SMYD3: variants seen among roughly 807,000 people sequenced by gnomAD.
SMYD3 encodes the protein histone-lysine N-methyltransferase SMYD3.
SMYD3 carries 36 observed loss-of-function variants against 57.7 expected under a neutral mutation model. The observed-to-expected ratio is 0.62, with a 90% confidence interval of 0.48 to 0.82. SMYD3 has a LOEUF of 0.82. Among genes scored for constraint, SMYD3 ranks in the 40% least tolerant of loss-of-function variants. The probability of loss-of-function intolerance (pLI) is 0.00; values close to 1 mark genes in which losing one functional copy is unlikely to be tolerated. For synonymous variants in SMYD3, 211 were observed against 195.0 expected, an observed-to-expected ratio of 1.08 and a Z score of -0.68; for missense variants, 515 against 538.8, an observed-to-expected ratio of 0.96 and a Z score of 0.44.
At chr1:246,326,595 CA>C (rs66737807) in intron 5 of SMYD3, among the ~76,000 whole-genome samples, 7 of 96,078 alleles carry the variant, frequency 7.3e-5, no homozygotes, top group South Asian at 3.7e-4. Context: ...TCTACAAAAA[CA>C]AAAAAAAAAA....
intron 5 of SMYD3, among the ~76,000 whole-genome samples, chr1:246,045,285 G>T (rs1478657037): frequency 2.0e-5 from 3 of 152,080 alleles, no homozygotes; most frequent in African/African-American, 4.8e-5. Flanking sequence ...AAAACAGAGA[G>T]ATAGACCAAT....
chr1:246,401,217 C>T (rs2066762371), intron 1 of SMYD3, among the ~76,000 whole-genome samples: 1 of 152,140 alleles, frequency 6.6e-6, no homozygotes, highest in Non-Finnish European at 1.5e-5. Context: ...AAATAAGGCC[C>T]AGGCATGGTG....
intron 5 of SMYD3, among the ~76,000 whole-genome samples, chr1:245,992,624 T>TCTACAA (rs2058833470): frequency 6.3e-5 from 1 of 15,864 alleles, no homozygotes; most frequent in Non-Finnish European, 2.2e-4. Context: ...GATCGCCCAC[T>TCTACAA]TCTAGAATGG....
At chr1:246,127,440 G>A (rs1002117829) in intron 5 of SMYD3, among the ~76,000 whole-genome samples, 2 of 152,176 alleles carry the variant, frequency 1.3e-5, no homozygotes, top group Admixed American at 6.5e-5. Flanking sequence ...ACAAAAGATA[G>A]TTGAGAAATC....
chr1:246,136,567 G>A (rs1325120774), intron 5 of SMYD3, among the ~76,000 whole-genome samples: 2 of 152,194 alleles, frequency 1.3e-5, no homozygotes, highest in Non-Finnish European at 2.9e-5. Flanking sequence ...GAGGAAGAAG[G>A]TGGGAAAAAG....
At position 246,088,013 on chromosome 1, in the gene SMYD3, C is replaced by T. The variant is rs536745041; in HGVS notation, c.532-158076G>A. ...TCTCACTAATAAGGAAAAAAAAGAG[C>T]AATCACTTGTTTAGAATAAATGAGA... On this transcript the variant is annotated intron_variant, in intron 5 of 11. Transcript: ENST00000490107. Among the ~76,000 whole-genome samples the T allele has an allele frequency of 2.0e-5, 3 of 152,192 alleles. No homozygotes were observed. In the South Asian group the frequency reaches 6.2e-4, roughly 32 times the overall value.
At chr1:246,133,614 C>A (rs1414834395) in intron 5 of SMYD3, among the ~76,000 whole-genome samples, 2 of 152,080 alleles carry the variant, frequency 1.3e-5, no homozygotes, top group East Asian at 3.9e-4. Flanking sequence ...TATATGTCAT[C>A]ACGATTGGCT....
intron 1 of SMYD3, among the ~76,000 whole-genome samples, chr1:246,363,130 G>A (rs2066029067): frequency 1.3e-5 from 2 of 151,480 alleles, no homozygotes; most frequent in Non-Finnish European, 2.9e-5. Flanking sequence ...GAGAAGTGAG[G>A]AGCCCCTCCG....
intron 11 of SMYD3, 54 bp from the exon 12 acceptor site, chr1:245,749,718 C>T: frequency 1.4e-6 from 2 of 1,401,538 alleles, no homozygotes; most frequent in Non-Finnish European, 1.0e-6. Context: ...GAGCTCAGGC[C>T]ATTCCCCACC....
chr1:246,175,660 T>A (rs2062420532), intron 5 of SMYD3, among the ~76,000 whole-genome samples: 2 of 152,190 alleles, frequency 1.3e-5, no homozygotes, highest in Non-Finnish European at 2.9e-5. Flanking sequence ...TATCTTCTAA[T>A]CTGTTAGGAT....
intron 10 of SMYD3, among the ~76,000 whole-genome samples, chr1:245,785,330 AAAGT>A (rs1196918928): frequency 6.6e-6 from 1 of 152,138 alleles, no homozygotes; most frequent in Non-Finnish European, 1.5e-5. Flanking sequence ...ATCCTCCACT[AAAGT>A]AATTTCCACT....
intron 1 of SMYD3, among the ~76,000 whole-genome samples, chr1:246,376,589 TAAA>T (rs55996523): frequency 7.0e-5 from 6 of 85,174 alleles, no homozygotes; most frequent in South Asian, 4.8e-4. Context: ...ACACTCCATC[TAAA>T]AAAAAAAAAA....
intron 5 of SMYD3, among the ~76,000 whole-genome samples, chr1:246,113,168 T>G (rs1214887234): frequency 6.6e-6 from 1 of 150,532 alleles, no homozygotes; most frequent in African/African-American, 2.4e-5. Context: ...GGCAACAGAG[T>G]AAGACTCTGT....
chr1:246,340,548 A>C (rs1478917558), intron 2 of SMYD3, among the ~76,000 whole-genome samples: 2 of 152,154 alleles, frequency 1.3e-5, no homozygotes, highest in Admixed American at 1.3e-4. Flanking sequence ...TTTGGCAAAA[A>C]TGAATAAAAC....
chr1:245,904,000 GC>G (rs2054376868), intron 8 of SMYD3, among the ~76,000 whole-genome samples: 1 of 152,186 alleles, frequency 6.6e-6, no homozygotes, highest in Non-Finnish European at 1.5e-5. Context: ...AATTTCTGTA[GC>G]CAGCTTGAAT....
At position 245,896,129 on chromosome 1, in the gene SMYD3, G is replaced by A. The variant is rs147555005; in HGVS notation, c.813+19401C>T. ...AGGCTCTGTGATAAAAGAAGATATAGATCCCCTGCTCCACAGACGGCTGAC... is the reference window on the plus strand; with the variant it reads ...AGGCTCTGTGATAAAAGAAGATATAAATCCCCTGCTCCACAGACGGCTGAC... On this transcript the variant is annotated intron_variant, in intron 8 of 11. Transcript: ENST00000490107. Among the ~76,000 whole-genome samples the A allele has an allele frequency of 1.8e-3, 280 of 152,212 alleles. 2 individuals carry two copies. The highest frequency in any genetic ancestry group is 4.4e-3 in the Admixed American group (67 of 15,290).
chr1:245,862,361 C>G (rs1262871213), intron 9 of SMYD3, among the ~76,000 whole-genome samples: 1 of 152,070 alleles, frequency 6.6e-6, no homozygotes, highest in African/African-American at 2.4e-5. Context: ...TACTAAAGCC[C>G]TAAATTTTTT....
At chr1:246,109,173 A>T (rs1277123855) in intron 5 of SMYD3, among the ~76,000 whole-genome samples, 2 of 145,632 alleles carry the variant, frequency 1.4e-5, no homozygotes, top group African/African-American at 5.6e-5. Flanking sequence ...AAATCTGATG[A>T]ATGAACCACT....
chr1:246,365,332 A>G (rs546564691), intron 1 of SMYD3, among the ~76,000 whole-genome samples: 16 of 151,648 alleles, frequency 1.1e-4, no homozygotes, highest in African/African-American at 3.4e-4. Context: ...ACAAAAAAAA[A>G]AAAAATTAAA....
Sources: gnomAD v4.1 joint callset for allele counts (sites outside exome capture counted in the v4.1 genomes callset) on GRCh38, gnomAD v4.1.1 for gene constraint, MANE v1.5 for transcripts, NCBI Gene and HGNC (gene_info 2026-07-23, HGNC 2026-07-21) for gene names.